ARHGAP10: variants seen among roughly 807,000 people sequenced by gnomAD.
ARHGAP10 encodes the protein Rho GTPase activating protein 10.
A neutral mutation model predicts 108.6 loss-of-function variants in ARHGAP10; 87 were observed. The observed-to-expected ratio is 0.80, with a 90% confidence interval of 0.67 to 0.96. ARHGAP10 has a LOEUF of 0.96. Among genes scored for constraint, ARHGAP10 ranks in the 40% least tolerant of loss-of-function variants. The probability of loss-of-function intolerance (pLI) is 0.00; values close to 1 mark genes in which losing one functional copy is unlikely to be tolerated. For synonymous variants in ARHGAP10, 347 were observed against 341.1 expected (o/e 1.02, Z -0.19); for missense variants, 939 against 954.5 (o/e 0.98, Z 0.21).
intron 3 of ARHGAP10, among the ~76,000 whole-genome samples, chr4:147,841,834 T>G (rs930498067): frequency 6.6e-6 from 1 of 152,192 alleles, no homozygotes; most frequent in Non-Finnish European, 1.5e-5. Flanking sequence ...TTTTTATAAA[T>G]GAGTTGGATA....
chr4:147,769,979 C>T (rs1164048815), intron 1 of ARHGAP10, among the ~76,000 whole-genome samples: 4 of 152,148 alleles, frequency 2.6e-5, no homozygotes, highest in African/African-American at 9.7e-5. Context: ...ATTTTATGCA[C>T]ATGTTCCAGA....
At chr4:148,032,279 T>C (rs1462957912) in intron 19 of ARHGAP10, among the ~76,000 whole-genome samples, 1 of 135,264 alleles carries the variant, frequency 7.4e-6, no homozygotes, top group Non-Finnish European at 1.5e-5. Flanking sequence ...CCACATAAAA[T>C]TGCCATCTTT....
At chr4:147,991,812 C>G (rs752690874) in intron 18 of ARHGAP10, among the ~76,000 whole-genome samples, 1 of 152,138 alleles carries the variant, frequency 6.6e-6, no homozygotes, top group Admixed American at 6.6e-5. Context: ...TTTTTCTGCA[C>G]GCTGAGTACC....
At chr4:147,825,417 A>T (rs188442609) in intron 3 of ARHGAP10, among the ~76,000 whole-genome samples, 2 of 152,028 alleles carry the variant, frequency 1.3e-5, no homozygotes, top group Non-Finnish European at 2.9e-5. Flanking sequence ...ATTGCACTCC[A>T]GCCTGGGCGA....
chr4:147,738,359 G>T (rs1013537943), intron 1 of ARHGAP10, among the ~76,000 whole-genome samples: 5 of 152,002 alleles, frequency 3.3e-5, no homozygotes, highest in African/African-American at 1.2e-4. Flanking sequence ...AGACCATCCT[G>T]GCTAACACGG....
chr4:147,821,307 C>T (rs1158770792), intron 1 of ARHGAP10, among the ~76,000 whole-genome samples: 1 of 152,134 alleles, frequency 6.6e-6, no homozygotes, highest in Non-Finnish European at 1.5e-5. Context: ...GATGAGTTTC[C>T]ATGGGAGGAG....
rs532269547 is a variant in ARHGAP10 at position 148,033,093 on chromosome 4, C to G, written c.1867+9680C>G. Reference sequence around the variant, plus strand: ...ATATGAATATGGATTCTTATTTATTCTCTTCTTCACTGAAGAGTCAGTTTG... The same window carrying G: ...ATATGAATATGGATTCTTATTTATTGTCTTCTTCACTGAAGAGTCAGTTTG... On this transcript the variant is annotated intron_variant, in intron 19 of 22. Coordinates refer to ENST00000336498, the MANE Select transcript of ARHGAP10 (RefSeq NM_024605.4). Among the ~76,000 whole-genome samples the G allele has an allele frequency of 4.6e-5, 7 of 152,252 alleles. No homozygotes were observed. The East Asian group carries it at 1.3e-3, about 29-fold the overall frequency.
intron 3 of ARHGAP10, among the ~76,000 whole-genome samples, chr4:147,837,662 T>TTTTTTTTTTTTTTTTTTTTTC (rs1733233202): frequency 6.7e-6 from 1 of 148,594 alleles, no homozygotes; most frequent in African/African-American, 2.5e-5. Context: ...TTTTTTTTTT[T>TTTTTTTTTTTTTTTTTTTTTC]AAAGCAGTAG....
intron 1 of ARHGAP10, among the ~76,000 whole-genome samples, chr4:147,821,415 C>T (rs1286548754): frequency 6.6e-6 from 1 of 152,184 alleles, no homozygotes; most frequent in Admixed American, 6.5e-5. Context: ...TGGTGCTTTT[C>T]TTCTATACTT....
chr4:148,048,239 G>A (rs1380251317), intron 20 of ARHGAP10, among the ~76,000 whole-genome samples: 1 of 152,244 alleles, frequency 6.6e-6, no homozygotes, highest in Admixed American at 6.5e-5. Context: ...GGACTGGAAA[G>A]TGTTCCTCAG....
chr4:147,795,878 A>G (rs1731300063), intron 1 of ARHGAP10, among the ~76,000 whole-genome samples: 1 of 151,948 alleles, frequency 6.6e-6, no homozygotes, highest in East Asian at 1.9e-4. Flanking sequence ...TATTTTTAGT[A>G]AAGATGGGGT....
chr4:147,929,614 T>A (rs1428271496), intron 13 of ARHGAP10, among the ~76,000 whole-genome samples: 1 of 152,208 alleles, frequency 6.6e-6, no homozygotes, highest in Non-Finnish European at 1.5e-5. Flanking sequence ...GTAATCCACC[T>A]ATGATCTGAA....
chr4:148,052,253 TC>T (rs1299814256), intron 20 of ARHGAP10, among the ~76,000 whole-genome samples: 3 of 150,872 alleles, frequency 2.0e-5, no homozygotes, highest in Non-Finnish European at 4.4e-5. Flanking sequence ...CTCTCCTCCT[TC>T]AGAGAGGGCT....
Position 148,047,056 on chromosome 4 carries a change from G to A in ARHGAP10, c.2027+5G>A, listed in dbSNP as rs1408147765. ...TGGAGACTGGGCATCCACTATGTAA[G>A]TAACCGTGCTTCTGTTGGGTGCTGA... On this transcript the variant is annotated splice_donor_5th_base_variant and intron_variant, in intron 20 of 22. Transcript: ENST00000336498. The A allele has an allele frequency of 6.2e-7, 1 of 1,613,914 alleles. No individual in the cohort carries two copies. The highest frequency in any genetic ancestry group is 8.5e-7 in the Non-Finnish European group (1 of 1,179,898).
At chr4:147,758,219 C>T (rs531049382) in intron 1 of ARHGAP10, among the ~76,000 whole-genome samples, 45 of 150,494 alleles carry the variant, frequency 3.0e-4, no homozygotes, top group African/African-American at 9.8e-4. Flanking sequence ...GCCAAGATTG[C>T]GCCATTGCAC....
intron 1 of ARHGAP10, among the ~76,000 whole-genome samples, chr4:147,745,648 C>T (rs978222936): frequency 1.1e-4 from 17 of 152,000 alleles, no homozygotes; most frequent in African/African-American, 1.9e-4. Flanking sequence ...CCCACAACCA[C>T]GCCCTGCTAA....
intron 10 of ARHGAP10, among the ~76,000 whole-genome samples, chr4:147,898,923 C>CTG (rs1380953818): frequency 6.6e-6 from 1 of 152,188 alleles, no homozygotes; most frequent in Non-Finnish European, 1.5e-5. Flanking sequence ...CACGGGGGAA[C>CTG]CACTCCTGTG....
intron 15 of ARHGAP10, among the ~76,000 whole-genome samples, chr4:147,954,384 T>C (rs1198425813): frequency 6.6e-6 from 1 of 152,166 alleles, no homozygotes; most frequent in African/African-American, 2.4e-5. Flanking sequence ...TCTTATTAGA[T>C]CTGTTAACAT....
At chr4:147,821,935 A>G (rs997770843) in intron 1 of ARHGAP10, among the ~76,000 whole-genome samples, 1 of 152,244 alleles carries the variant, frequency 6.6e-6, no homozygotes, top group Non-Finnish European at 1.5e-5. Flanking sequence ...TGCCAACCTT[A>G]TGCAAATTAC....
Sources: allele counts gnomAD v4.1 joint callset (sites outside exome capture counted in the v4.1 genomes callset), GRCh38; gene constraint gnomAD v4.1.1; transcripts MANE v1.5; gene names NCBI Gene and HGNC (gene_info 2026-07-23, HGNC 2026-07-21).